The following SOX5 variants were observed in gnomAD, a reference collection of about 807,000 sequenced individuals.
SOX5 encodes the protein transcription factor SOX-5.
Under a neutral mutation model 92.0 loss-of-function variants are expected in SOX5, and 9 were observed. The observed-to-expected ratio is 0.10, with a 90% CI of 0.06 to 0.17. SOX5 has a LOEUF of 0.17. Among genes scored for constraint, SOX5 ranks in the 10% least tolerant of loss-of-function variants. SOX5 has a pLI of 1.00. For synonymous variants in SOX5, 344 were observed against 336.3 expected, an observed-to-expected ratio of 1.02 and a Z score of -0.25; for missense variants, 642 against 944.5, an observed-to-expected ratio of 0.68 and a Z score of 4.20.
chr12:24,553,442 A>T (rs1233391874), intron 1 of SOX5, among the ~76,000 whole-genome samples: 1 of 152,150 alleles, frequency 6.6e-6, no homozygotes, highest in African/African-American at 2.4e-5. Context: ...CTACTTCCCC[A>T]TCGTGCAGGG....
chr12:23,880,043 G>C (rs531433950), intron 2 of SOX5, among the ~76,000 whole-genome samples: 61 of 152,292 alleles, frequency 4.0e-4, no homozygotes, highest in African/African-American at 1.4e-3. Flanking sequence ...TATAGCCCCA[G>C]TGTGAGGATG....
intron 1 of SOX5, among the ~76,000 whole-genome samples, chr12:24,537,063 AAT>A (rs1951704321): frequency 6.6e-6 from 1 of 152,242 alleles, no homozygotes; most frequent in African/African-American, 2.4e-5. Context: ...CATTAAAATA[AAT>A]AGACATGACT....
intron 3 of SOX5, among the ~76,000 whole-genome samples, chr12:23,779,788 A>AAAAAAT (rs1275825978): frequency 9.0e-6 from 1 of 110,564 alleles, no homozygotes; most frequent in South Asian, 3.5e-4. Flanking sequence ...CACAGATTAA[A>AAAAAAT]ATATATATAT....
chr12:24,306,701 A>G (rs1334203465), intron 2 of SOX5, among the ~76,000 whole-genome samples: 1 of 152,166 alleles, frequency 6.6e-6, no homozygotes, highest in Non-Finnish European at 1.5e-5. Flanking sequence ...CAAAACCCAG[A>G]GAGGGGAGAG....
At chr12:24,204,737 A>G (rs1957859779) in intron 4 of SOX5, among the ~76,000 whole-genome samples, 1 of 152,172 alleles carries the variant, frequency 6.6e-6, no homozygotes. Flanking sequence ...AGACATCACC[A>G]ACTTCTCTCC....
chr12:24,359,559 T>C (rs11047394), intron 2 of SOX5, among the ~76,000 whole-genome samples: 2,663 of 152,274 alleles, frequency 0.017, 66 homozygotes, highest in African/African-American at 0.055. Flanking sequence ...GCCATACTTT[T>C]GGGAAGAGAT....
chr12:24,154,906 A>T (rs1952013880), intron 4 of SOX5, among the ~76,000 whole-genome samples: 1 of 152,136 alleles, frequency 6.6e-6, no homozygotes, highest in African/African-American at 2.4e-5. Context: ...AAAATTATAA[A>T]ACTTGTCAGA....
At chr12:24,000,722 G>A (rs1498863) in intron 4 of SOX5, among the ~76,000 whole-genome samples, 143,589 of 152,198 alleles carry the variant, frequency 0.94, 68,272 homozygotes, top group South Asian at 1. Context: ...ATTAAATACA[G>A]ATGCATGAAA....
chr12:23,788,959 G>T (rs772527040), intron 3 of SOX5, among the ~76,000 whole-genome samples: 1 of 151,812 alleles, frequency 6.6e-6, no homozygotes, highest in Non-Finnish European at 1.5e-5. Flanking sequence ...TTTATTAAGG[G>T]CCATAGAGAA....
intron 1 of SOX5, among the ~76,000 whole-genome samples, chr12:23,900,392 A>G (rs767901112): frequency 6.6e-6 from 1 of 152,164 alleles, no homozygotes; most frequent in Non-Finnish European, 1.5e-5. Flanking sequence ...TATGCCTTAT[A>G]ATCACTCTGC....
chr12:24,513,001 C>T (rs995079070), intron 1 of SOX5, among the ~76,000 whole-genome samples: 10 of 152,226 alleles, frequency 6.6e-5, no homozygotes, highest in African/African-American at 2.4e-4. Context: ...AGAAACCATA[C>T]TTCAAATTTT....
chr12:24,450,469 A>T (rs936086646), intron 1 of SOX5, among the ~76,000 whole-genome samples: 5 of 133,782 alleles, frequency 3.7e-5, no homozygotes, highest in Non-Finnish European at 6.8e-5. Context: ...GTGTGTATTT[A>T]TTTTATTTAT....
At chr12:24,499,476 G>A (rs996761118) in intron 1 of SOX5, among the ~76,000 whole-genome samples, 1 of 152,226 alleles carries the variant, frequency 6.6e-6, no homozygotes, top group Non-Finnish European at 1.5e-5. Context: ...CAAAAGGGAA[G>A]GAACCTGGAG....
chr12:23,979,913 C>CCAGACAGA (rs202211054), intron 4 of SOX5, among the ~76,000 whole-genome samples: 26 of 124,198 alleles, frequency 2.1e-4, no homozygotes, highest in African/African-American at 6.1e-4. Flanking sequence ...GGCTGGCTGG[C>CCAGACAGA]CAGACAGACA....
At chr12:23,668,119 G>A (rs2084135671) in intron 6 of SOX5, among the ~76,000 whole-genome samples, 1 of 152,190 alleles carries the variant, frequency 6.6e-6, no homozygotes, top group Non-Finnish European at 1.5e-5. Flanking sequence ...GCTGTGGTGT[G>A]ACTTACGCAG....
intron 6 of SOX5, among the ~76,000 whole-genome samples, chr12:23,723,581 T>TATATATACAC (rs1491240128): frequency 1.5e-5 from 2 of 131,778 alleles, no homozygotes; most frequent in Admixed American, 7.7e-5. Flanking sequence ...TATATATATA[T>TATATATACAC]ACACACACAC....
At chr12:24,377,361 ACAATT>A (rs1957390222) in intron 1 of SOX5, among the ~76,000 whole-genome samples, 1 of 152,208 alleles carries the variant, frequency 6.6e-6, no homozygotes, top group African/African-American at 2.4e-5. Flanking sequence ...TGCATCCAAA[ACAATT>A]CAATTAAAAC....
At chr12:24,406,340 G>A (rs563215723) in intron 1 of SOX5, among the ~76,000 whole-genome samples, 23 of 152,262 alleles carry the variant, frequency 1.5e-4, no homozygotes, top group East Asian at 3.9e-4. Flanking sequence ...TGGGTCCATC[G>A]GAGGGGCCAT....
intron 4 of SOX5, among the ~76,000 whole-genome samples, chr12:24,163,521 A>C (rs1194331896): frequency 8.0e-6 from 1 of 125,118 alleles, no homozygotes; most frequent in Non-Finnish European, 1.7e-5. Context: ...TTTTTTTTTG[A>C]TATTTATTCC....
Sources: gnomAD v4.1 joint callset for allele counts (sites outside exome capture counted in the v4.1 genomes callset) on GRCh38, gnomAD v4.1.1 for gene constraint, MANE v1.5 for transcripts, NCBI Gene and HGNC (gene_info 2026-07-23, HGNC 2026-07-21) for gene names.